The following PHTF1 variants were observed in gnomAD, a reference collection of about 807,000 sequenced individuals.
PHTF1 encodes protein PHTF1.
A neutral mutation model predicts 102.4 loss-of-function variants in PHTF1; 88 were observed. That is an observed-to-expected ratio of 0.86 (90% CI 0.72 to 1.03). The LOEUF (loss-of-function observed/expected upper bound fraction) is 1.03, where lower values mean the gene tolerates loss of function less well. Ranked by LOEUF, PHTF1 falls within the 50% of genes least tolerant of loss-of-function variation. The probability of loss-of-function intolerance (pLI) is 0.00; values close to 1 mark genes in which losing one functional copy is unlikely to be tolerated. For missense variants in PHTF1, 814 were observed against 909.5 expected, an observed-to-expected ratio of 0.89 and a Z score of 1.35; for synonymous variants, 289 against 305.2, an observed-to-expected ratio of 0.95 and a Z score of 0.55.
chr1:113,755,555 G>A (rs766198676), intron 3 of PHTF1, among the ~76,000 whole-genome samples: 1 of 152,162 alleles, frequency 6.6e-6, no homozygotes, highest in Admixed American at 6.5e-5. Flanking sequence ...ATTACCCTAT[G>A]AGAGAACGAG....
At chr1:113,746,807 T>A in intron 3 of PHTF1, 2 of 732,282 alleles carry the variant, frequency 2.7e-6, no homozygotes, top group Non-Finnish European at 3.3e-6. Context: ...AAAATAATAC[T>A]CATATTACAA....
At chr1:113,754,756 T>C (rs986239253) in intron 3 of PHTF1, among the ~76,000 whole-genome samples, 9 of 152,210 alleles carry the variant, frequency 5.9e-5, no homozygotes, top group Admixed American at 5.9e-4. Flanking sequence ...ACAGATATGA[T>C]GTGACTCCTC....
intron 3 of PHTF1, among the ~76,000 whole-genome samples, chr1:113,748,259 G>A (rs1243539909): frequency 2.6e-5 from 4 of 152,076 alleles, no homozygotes; most frequent in Admixed American, 6.6e-5. Context: ...GATTACAGGC[G>A]TGAGCCACCA....
intron 7 of PHTF1, among the ~76,000 whole-genome samples, chr1:113,720,028 C>A (rs1652667309): frequency 6.6e-6 from 1 of 152,140 alleles, no homozygotes; most frequent in Non-Finnish European, 1.5e-5. Context: ...GAGACTAGCA[C>A]AGGAAAGACC....
intron 7 of PHTF1, among the ~76,000 whole-genome samples, chr1:113,716,236 T>C (rs1652005970): frequency 1.3e-5 from 2 of 150,920 alleles, no homozygotes; most frequent in Middle Eastern, 3.4e-3. Flanking sequence ...AGGAAACAAA[T>C]AGCATACAAA....
At chr1:113,754,045 G>A (rs1266815976) in intron 3 of PHTF1, among the ~76,000 whole-genome samples, 2 of 152,130 alleles carry the variant, frequency 1.3e-5, no homozygotes, top group South Asian at 4.1e-4. Context: ...TTGCCACTAA[G>A]TAATTTGCAT....
At chr1:113,738,340 A>C (rs1022612313) in intron 4 of PHTF1, 72 bp from the exon 5 acceptor site, 2 of 1,162,772 alleles carry the variant, frequency 1.7e-6, no homozygotes, top group Non-Finnish European at 2.5e-6. Context: ...GTAGCACTAC[A>C]TTAAAAATAG....
At chr1:113,739,941 A>C (rs150834477) in intron 3 of PHTF1, among the ~76,000 whole-genome samples, 3 of 152,286 alleles carry the variant, frequency 2.0e-5, no homozygotes, top group Non-Finnish European at 4.4e-5. Flanking sequence ...ATAGTATTCC[A>C]CTGTGTATAT....
intron 6 of PHTF1, chr1:113,726,050 G>A (rs1383923988): frequency 5.6e-5 from 9 of 159,752 alleles, no homozygotes; most frequent in Admixed American, 3.9e-4. Context: ...TTTTGGTAGC[G>A]CTAACCAAAT....
intron 15 of PHTF1, among the ~76,000 whole-genome samples, chr1:113,701,326 G>A (rs1649415170): frequency 6.6e-6 from 1 of 152,066 alleles, no homozygotes; most frequent in Admixed American, 6.6e-5. Context: ...TCATTCCACT[G>A]GTATGACTAG....
chr1:113,709,698 A>G (rs1216130506), intron 11 of PHTF1, among the ~76,000 whole-genome samples: 1 of 152,182 alleles, frequency 6.6e-6, no homozygotes, highest in Non-Finnish European at 1.5e-5. Flanking sequence ...GCTATTTCAC[A>G]CTATTCCTAA....
Position 113,758,231 on chromosome 1 carries a change from CAAAAAAAAAAA to C in PHTF1, c.45+417_45+427del, listed in dbSNP as rs1162537319. On this transcript the variant is annotated intron_variant, in intron 2 of 18. Transcript: ENST00000369604. ...GGGCAACAAGAGCGAAACTCCGTCT[CAAAAAAAAAAA>C]AAAAAAAAAAAAATCCACTTCTTAA... Among the ~76,000 whole-genome samples, 5 of 58,222 alleles carry C rather than the reference CAAAAAAAAAAA, an allele frequency of 8.6e-5. No individual in the cohort carries two copies. The South Asian group carries it at 2.3e-3, about 27-fold the overall frequency. The allele number at this position is 58,222 out of a possible 152,430, so 38.2% of individuals were successfully genotyped here. A position where few individuals can be genotyped will look rare whatever the true frequency, so the allele number is the denominator to read the frequency against.
intron 7 of PHTF1, among the ~76,000 whole-genome samples, chr1:113,720,251 G>A (rs1367009993): frequency 6.6e-6 from 1 of 152,074 alleles, no homozygotes; most frequent in Non-Finnish European, 1.5e-5. Flanking sequence ...ACAAACAATT[G>A]TAAATATATA....
Position 113,710,335 on chromosome 1 carries a change from GACAGATGACCGGC to G in PHTF1, c.1175_1187del (p.Cys392SerfsTer10). The G allele has an allele frequency of 1.2e-6, 2 of 1,614,128 alleles. No homozygotes were observed. The highest frequency in any genetic ancestry group is 1.7e-6 in the Non-Finnish European group (2 of 1,180,018). ...CATGGGCCCCCTCACTGTCACTGGT[GACAGATGACCGGC>G]ACTCTGGGCCATGTAGCAGGTCGTC... On this transcript the variant is annotated frameshift_variant, in exon 11 of 19. Coordinates refer to ENST00000369604, the MANE Select transcript of PHTF1 (RefSeq NM_001323043.2). LOFTEE classifies it high-confidence loss of function.
chr1:113,743,263 A>G (rs1302772470), intron 3 of PHTF1, among the ~76,000 whole-genome samples: 2 of 150,214 alleles, frequency 1.3e-5, no homozygotes, highest in South Asian at 4.2e-4. Flanking sequence ...CTTACTTTTT[A>G]AATAAAAACT....
At chr1:113,729,175 G>T (rs1184079947) in intron 5 of PHTF1, among the ~76,000 whole-genome samples, 1 of 152,172 alleles carries the variant, frequency 6.6e-6, no homozygotes, top group Non-Finnish European at 1.5e-5. Flanking sequence ...AGCACAGAAA[G>T]ACAAACTTCA....
rs60517410 is a variant in PHTF1 at position 113,715,648 on chromosome 1, CAAAAAAAA to C, written c.624-2218_624-2211del. Among the ~76,000 whole-genome samples, 24 of 24,978 alleles carry C rather than the reference CAAAAAAAA, an allele frequency of 9.6e-4. No homozygotes were observed. The East Asian group carries it at 0.025, about 26-fold the overall frequency. The allele number at this position is 24,978 out of a possible 152,430, so 16.4% of individuals were successfully genotyped here. A position where few individuals can be genotyped will look rare whatever the true frequency, so the allele number is the denominator to read the frequency against. ...GAGCAATGACAGTGAAACCCTGTCT[CAAAAAAAA>C]AAAAAAAAAAAAAAAAAAAAAAAAG... On this transcript the variant is annotated intron_variant, in intron 7 of 18. Coordinates refer to ENST00000369604, the MANE Select transcript of PHTF1 (RefSeq NM_001323043.2).
At chr1:113,717,940 A>G (rs1571140546) in intron 7 of PHTF1, among the ~76,000 whole-genome samples, 3 of 152,222 alleles carry the variant, frequency 2.0e-5, no homozygotes. Flanking sequence ...CCTTGCCTCT[A>G]CAAACCTCAT....
intron 3 of PHTF1, among the ~76,000 whole-genome samples, chr1:113,744,872 CA>C (rs1273614505): frequency 2.6e-5 from 4 of 151,470 alleles, no homozygotes; most frequent in African/African-American, 9.7e-5. Flanking sequence ...TTCCTTGAAT[CA>C]GGGAGGTGGA....
Sources: allele counts gnomAD v4.1 joint callset (sites outside exome capture counted in the v4.1 genomes callset), GRCh38; gene constraint gnomAD v4.1.1; transcripts MANE v1.5; gene names NCBI Gene and HGNC (gene_info 2026-07-23, HGNC 2026-07-21).